The following ANKS1B variants were observed in gnomAD, a reference collection of about 807,000 sequenced individuals.
ANKS1B encodes the protein ankyrin repeat and sterile alpha motif domain-containing protein 1B.
ANKS1B carries 36 observed loss-of-function variants against 148.3 expected under a neutral mutation model. The observed-to-expected ratio is 0.24, with a 90% CI of 0.19 to 0.32. The LOEUF (loss-of-function observed/expected upper bound fraction) is 0.32, where lower values mean the gene tolerates loss of function less well. Among genes scored for constraint, ANKS1B ranks in the 10% least tolerant of loss-of-function variants. The pLI is 1.00. For synonymous variants in ANKS1B, 542 were observed against 560.8 expected (o/e 0.97, Z 0.47); for missense variants, 1,157 against 1,542.6 (o/e 0.75, Z 4.19).
chr12:98,812,980 T>C (rs1346241975), intron 19 of ANKS1B, among the ~76,000 whole-genome samples: 1 of 152,224 alleles, frequency 6.6e-6, no homozygotes, highest in Admixed American at 6.5e-5. Flanking sequence ...ATTCATAATA[T>C]GAAATGGCTC....
intron 1 of ANKS1B, among the ~76,000 whole-genome samples, chr12:99,935,643 T>C (rs2153811938): frequency 6.6e-6 from 1 of 152,276 alleles, no homozygotes; most frequent in African/African-American, 2.4e-5. Flanking sequence ...CACCAGCGAT[T>C]CCCTGCCTAG....
At chr12:99,039,586 T>C (rs573375157) in intron 17 of ANKS1B, among the ~76,000 whole-genome samples, 2 of 152,372 alleles carry the variant, frequency 1.3e-5, no homozygotes, top group South Asian at 4.1e-4. Flanking sequence ...AATTGGCTCA[T>C]CTGACTCTGA....
At chr12:99,782,610 T>G (rs1245169521) in intron 4 of ANKS1B, among the ~76,000 whole-genome samples, 1 of 152,202 alleles carries the variant, frequency 6.6e-6, no homozygotes, top group Non-Finnish European at 1.5e-5. Flanking sequence ...GTATTTCACC[T>G]TCTCTTAGCT....
At position 99,853,659 on chromosome 12, in the gene ANKS1B, A is replaced by G. The variant is rs900578702; in HGVS notation, c.135-28270T>C. On this transcript the variant is annotated intron_variant, in intron 1 of 26. Coordinates refer to ENST00000683438, the MANE Select transcript of ANKS1B (RefSeq NM_001352186.2). Reference sequence around the variant, plus strand: ...AACAATCCTGGTAATATGGCAAAACAAAGTTCTTTAACACCCCCAAAAGTT... The same window carrying G: ...AACAATCCTGGTAATATGGCAAAACGAAGTTCTTTAACACCCCCAAAAGTT... Among the ~76,000 whole-genome samples, 5 of 152,122 alleles carry G rather than the reference A, an allele frequency of 3.3e-5. 1 individual carries two copies. Among genetic ancestry groups the G allele is most frequent in the Admixed American group, 2.0e-4 (3 of 15,272 alleles).
At chr12:98,840,474 A>C (rs2099399880) in intron 17 of ANKS1B, among the ~76,000 whole-genome samples, 1 of 152,182 alleles carries the variant, frequency 6.6e-6, no homozygotes, top group Non-Finnish European at 1.5e-5. Context: ...AGAGAGAGCA[A>C]AGGATAGTGA....
intron 12 of ANKS1B, among the ~76,000 whole-genome samples, chr12:99,289,020 TA>T (rs2154006740): frequency 6.6e-6 from 1 of 151,834 alleles, no homozygotes; most frequent in South Asian, 2.1e-4. Context: ...ATTTCACCTA[TA>T]AAAACATTTC....
At chr12:99,269,008 G>A (rs966238175) in intron 12 of ANKS1B, among the ~76,000 whole-genome samples, 6 of 152,182 alleles carry the variant, frequency 3.9e-5, no homozygotes, top group South Asian at 2.1e-4. Flanking sequence ...ATTGTGTAAC[G>A]GCTTGCTGAA....
intron 16 of ANKS1B, among the ~76,000 whole-genome samples, chr12:99,063,789 G>A (rs1309784695): frequency 6.6e-6 from 1 of 152,114 alleles, no homozygotes; most frequent in Admixed American, 6.6e-5. Context: ...TTCCTTCTGT[G>A]GGAATGGAAA....
At position 99,984,302 on chromosome 12, in the gene ANKS1B, A is replaced by T; in HGVS notation, c.-65T>A. 1.4e-6 allele frequency: 1 copy of T among 708,164 alleles called. No homozygotes were observed. 43.9% of individuals were successfully genotyped at this position (708,164 alleles called of 1,614,324 possible). A position where few individuals can be genotyped will look rare whatever the true frequency, so the allele number is the denominator to read the frequency against. On this transcript the variant is annotated 5_prime_UTR_variant, in exon 1 of 27. Coordinates refer to ENST00000683438, the MANE Select transcript of ANKS1B (RefSeq NM_001352186.2). ...CGGGTCCTCCTCCCCACCCACCCCC[A>T]CTCCCCAAAATCCAGGGCCCTCTTC... is the stretch of plus-strand genomic sequence containing the variant.
intron 15 of ANKS1B, among the ~76,000 whole-genome samples, chr12:99,091,135 A>G (rs895425607): frequency 3.3e-5 from 5 of 152,152 alleles, no homozygotes; most frequent in African/African-American, 7.2e-5. Context: ...ATATTACATC[A>G]CTGACCAATA....
chr12:99,850,352 C>T (rs2087581160), intron 1 of ANKS1B, among the ~76,000 whole-genome samples: 1 of 148,752 alleles, frequency 6.7e-6, no homozygotes, highest in South Asian at 2.1e-4. Flanking sequence ...TGAAGCAGGC[C>T]ACAAAGCCTA....
At chr12:99,965,031 T>C (rs1399102754) in intron 1 of ANKS1B, among the ~76,000 whole-genome samples, 1 of 152,192 alleles carries the variant, frequency 6.6e-6, no homozygotes, top group African/African-American at 2.4e-5. Context: ...GATGTAAATA[T>C]GTGTACACAG....
intron 15 of ANKS1B, among the ~76,000 whole-genome samples, chr12:99,143,442 T>C (rs915869942): frequency 1.3e-5 from 2 of 152,130 alleles, no homozygotes; most frequent in Non-Finnish European, 2.9e-5. Context: ...CTAGGTTGTC[T>C]GAAATGAAGT....
intron 17 of ANKS1B, among the ~76,000 whole-genome samples, chr12:99,038,628 C>G (rs2099956997): frequency 1.3e-5 from 2 of 152,216 alleles, no homozygotes; most frequent in Admixed American, 1.3e-4. Context: ...CCACAGCTCA[C>G]AATACCTGAT....
chr12:99,448,426 G>C (rs1219147021), intron 10 of ANKS1B, among the ~76,000 whole-genome samples: 1 of 152,032 alleles, frequency 6.6e-6, no homozygotes, highest in Non-Finnish European at 1.5e-5. Flanking sequence ...ATAGAATGGT[G>C]GTTACCAGGG....
intron 9 of ANKS1B, among the ~76,000 whole-genome samples, chr12:99,651,127 C>T: frequency 6.6e-6 from 1 of 152,060 alleles, no homozygotes; most frequent in East Asian, 1.9e-4. Context: ...ATCCCAAAGG[C>T]CCCTGTATAT....
intron 10 of ANKS1B, among the ~76,000 whole-genome samples, chr12:99,470,311 A>G (rs2096219619): frequency 6.6e-6 from 1 of 152,124 alleles, no homozygotes; most frequent in Admixed American, 6.6e-5. Flanking sequence ...TTCATTATAC[A>G]ATCACTGGTC....
Position 99,984,202 on chromosome 12 carries a change from G to A in ANKS1B, c.36C>T (p.Arg12=). ...GKDQELLEAA[R]TGNVALVEKL... ...TCTCCACCAGAGCCACATTTCCAGTGCGAGCAGCTTCCAGCAGCTCCTGGT... is the reference window on the plus strand; with the variant it reads ...TCTCCACCAGAGCCACATTTCCAGTACGAGCAGCTTCCAGCAGCTCCTGGT... Residue 12 remains arginine, a synonymous_variant, in exon 1 of 27, where the codon CGC becomes CGT. Coordinates refer to ENST00000683438, the MANE Select transcript of ANKS1B (RefSeq NM_001352186.2). The A allele has an allele frequency of 1.2e-6, 2 of 1,613,750 alleles. No homozygotes were observed. Among genetic ancestry groups the A allele is most frequent in the Non-Finnish European group, 1.7e-6 (2 of 1,179,814 alleles).
intron 14 of ANKS1B, among the ~76,000 whole-genome samples, chr12:99,208,306 A>C (rs2082922913): frequency 6.6e-6 from 1 of 152,102 alleles, no homozygotes; most frequent in Non-Finnish European, 1.5e-5. Context: ...TAAACTAATG[A>C]CTATAACTTC....
Sources: allele counts gnomAD v4.1 joint callset (sites outside exome capture counted in the v4.1 genomes callset), GRCh38; gene constraint gnomAD v4.1.1; transcripts MANE v1.5; gene names NCBI Gene and HGNC (gene_info 2026-07-23, HGNC 2026-07-21).